The following KRT86 variants were observed in gnomAD, a reference collection of about 807,000 sequenced individuals.
KRT86 encodes keratin, type II cuticular Hb6.
A neutral mutation model predicts 41.2 loss-of-function variants in KRT86; 30 were observed. That is an observed-to-expected ratio of 0.73 (90% confidence interval 0.54 to 0.99). The LOEUF is 0.99. Ranked by LOEUF, KRT86 falls within the 50% of genes least tolerant of loss-of-function variation. The probability of loss-of-function intolerance (pLI) is 0.00; values close to 1 mark genes in which losing one functional copy is unlikely to be tolerated. For missense variants in KRT86, 561 were observed against 571.4 expected (o/e 0.98, Z 0.19); for synonymous variants, 238 against 238.1 (o/e 1.00, Z 0.00).
chr12:52,275,904 C>T lies in KRT86; in HGVS notation c.-47C>T. On this transcript the variant is annotated 5_prime_UTR_variant, in exon 2 of 11. Coordinates refer to ENST00000423955, the MANE Select transcript of KRT86 (RefSeq NM_001320198.2). ...AGGATCTGAACAGGCTTAATCAGGCCATCCAGTGGCTGACGGTGGAGGTGG... is the reference window on the plus strand; with the variant it reads ...AGGATCTGAACAGGCTTAATCAGGCTATCCAGTGGCTGACGGTGGAGGTGG... The T allele has an allele frequency of 2.0e-6, 2 of 986,026 alleles. No homozygotes were observed. Among genetic ancestry groups the T allele is most frequent in the Non-Finnish European group, 2.4e-6 (2 of 830,014 alleles). The allele number at this position is 986,026 out of a possible 1,614,324, so 61.1% of individuals were successfully genotyped here.
chr12:52,293,449 A>C (rs1216114067), intron 2 of KRT86, among the ~76,000 whole-genome samples: 30 of 152,240 alleles, frequency 2.0e-4, no homozygotes, highest in Non-Finnish European at 4.4e-5. Flanking sequence ...TAAGTTCAAG[A>C]GGGTAGTGAA....
At chr12:52,294,226 T>C (rs1458130180) in intron 2 of KRT86, among the ~76,000 whole-genome samples, 1 of 152,202 alleles carries the variant, frequency 6.6e-6, no homozygotes, top group Non-Finnish European at 1.5e-5. Context: ...AGGAGCACTG[T>C]GAGTCAAAGT....
chr12:52,296,188 G>A (rs1938244735), intron 2 of KRT86, among the ~76,000 whole-genome samples: 1 of 152,194 alleles, frequency 6.6e-6, no homozygotes, highest in Admixed American at 6.5e-5. Flanking sequence ...AGAAGAGAAG[G>A]AGAGTGCTGC....
chr12:52,297,288 C>T (rs1359630441), intron 2 of KRT86, among the ~76,000 whole-genome samples: 2 of 152,196 alleles, frequency 1.3e-5, no homozygotes, highest in Admixed American at 6.5e-5. Context: ...AAAAGTAGCC[C>T]TCTTTAGACT....
At chr12:52,279,835 C>T (rs1937731909) in intron 2 of KRT86, among the ~76,000 whole-genome samples, 1 of 152,140 alleles carries the variant, frequency 6.6e-6, no homozygotes, top group Non-Finnish European at 1.5e-5. Flanking sequence ...TTCCATTCTC[C>T]ATCCATCCAT....
At chr12:52,306,588 C>A in intron 9 of KRT86, 1 of 520,898 alleles carries the variant, frequency 1.9e-6, no homozygotes, top group East Asian at 3.4e-5. Context: ...TGCTTCTTCC[C>A]TTCCAGCTGT....
rs1166936674 is a variant in KRT86, at chr12:52,287,671, G to A, written c.-5+11725G>A. The stretch of plus-strand genomic sequence containing the variant: ...TCAGCTCATTGATCTCCTCCTTGGT[G>A]CGGCGCAGGGTCTCCCCGTGCCTGA... On this transcript the variant is annotated intron_variant, in intron 2 of 10. Coordinates refer to ENST00000423955, the MANE Select transcript of KRT86 (RefSeq NM_001320198.2). The A allele has an allele frequency of 3.1e-6, 5 of 1,613,788 alleles. No homozygotes were observed. In the African/African-American group the frequency reaches 6.7e-5, roughly 22 times the overall value.
chr12:52,308,521 C>A lies in KRT86; in HGVS notation c.1397C>A (p.Thr466Asn), dbSNP rs1033081842. Reference sequence around the variant, plus strand: ...AGCAACAGCAACGTGGTGGTGGGCACTACTAACGCCTGCGCCCCCTCCGCC... The same window carrying A: ...AGCAACAGCAACGTGGTGGTGGGCAATACTAACGCCTGCGCCCCCTCCGCC... The part of the protein sequence containing the change: ...VPSNSNVVVG[T>N]TNACAPSARV... Residue 466 changes from threonine (T) to asparagine (N), a missense_variant, in exon 11 of 11, where the codon ACT (threonine) becomes AAT (asparagine). Thr to Asn is a moderately conservative substitution (Grantham distance 65). This residue lies in a region of KRT86 where 397 missense variants were observed against 375.9 expected (regional missense o/e 1.06). Transcript: ENST00000423955. 1.2e-6 allele frequency: 2 copies of A among 1,604,588 alleles called. No individual in the cohort carries two copies. The highest frequency in any genetic ancestry group is 4.5e-5 in the East Asian group (2 of 44,864).
chr12:52,305,647 T>A lies in KRT86; in HGVS notation c.901-16T>A, dbSNP rs772969963. 1.2e-6 allele frequency: 2 copies of A among 1,613,986 alleles called. No individual in the cohort carries two copies. The highest frequency in any genetic ancestry group is 2.2e-5 in the South Asian group (2 of 91,068). On this transcript the variant is annotated splice_polypyrimidine_tract_variant and intron_variant, in intron 7 of 10. Coordinates refer to ENST00000423955, the MANE Select transcript of KRT86 (RefSeq NM_001320198.2). The stretch of plus-strand genomic sequence containing the variant: ...GGTCCCACCCTGAACCTCATGAGCA[T>A]CTCTACTTCCCCCAGTGTGAGGAGA...
At chr12:52,299,883 T>G (rs1938333837) in intron 2 of KRT86, among the ~76,000 whole-genome samples, 5 of 152,250 alleles carry the variant, frequency 3.3e-5, no homozygotes, top group Admixed American at 3.3e-4. Context: ...TTTCTTCCAT[T>G]CTGTAGGTCA....
chr12:52,298,550 A>T (rs2121283397), intron 2 of KRT86, among the ~76,000 whole-genome samples: 1 of 152,346 alleles, frequency 6.6e-6, no homozygotes, highest in Non-Finnish European at 1.5e-5. Flanking sequence ...TTACACACTT[A>T]GAGTGTGCCA....
At chr12:52,295,381 T>C (rs940670565) in intron 2 of KRT86, among the ~76,000 whole-genome samples, 14 of 152,218 alleles carry the variant, frequency 9.2e-5, no homozygotes, top group Admixed American at 5.2e-4. Context: ...GTAGCAGAAC[T>C]GGAACCCAGA....
chr12:52,300,237 G>A (rs949226367), intron 2 of KRT86, among the ~76,000 whole-genome samples: 3 of 152,172 alleles, frequency 2.0e-5, no homozygotes, highest in Non-Finnish European at 4.4e-5. Flanking sequence ...AACAAAAAGG[G>A]CATGTAACAA....
chr12:52,283,329 G>C (rs1937820951), intron 2 of KRT86, among the ~76,000 whole-genome samples: 1 of 144,964 alleles, frequency 6.9e-6, no homozygotes, highest in Non-Finnish European at 1.5e-5. Context: ...TGAGGTGGAG[G>C]TTGCAGTGAG....
chr12:52,299,762 A>G (rs746010046), intron 2 of KRT86, among the ~76,000 whole-genome samples: 7 of 152,182 alleles, frequency 4.6e-5, no homozygotes, highest in Non-Finnish European at 1.0e-4. Flanking sequence ...GTCTATTCAG[A>G]TCTTTTGCCC....
Position 52,308,656 on chromosome 12 carries a change from G to C in KRT86, c.*71G>C. On this transcript the variant is annotated 3_prime_UTR_variant, in exon 11 of 11. Coordinates refer to ENST00000423955, the MANE Select transcript of KRT86 (RefSeq NM_001320198.2). ...AGCCAGTACCTCGCGCCACCAGAAC[G>C]CGCCGCCCGCGCCGGCCTCCCAATA... The C allele has an allele frequency of 6.9e-7, 1 of 1,449,472 alleles. No homozygotes were observed. Among genetic ancestry groups the C allele is most frequent in the Non-Finnish European group, 9.4e-7 (1 of 1,062,906 alleles). 89.8% of individuals were successfully genotyped at this position (1,449,472 alleles called of 1,614,324 possible).
chr12:52,287,352 T>TA (rs1937980395), intron 2 of KRT86: 1 of 1,613,208 alleles, frequency 6.2e-7, no homozygotes, highest in Non-Finnish European at 8.5e-7. Flanking sequence ...CAAGGTAGAT[T>TA]AGAGTCCCTG....
intron 2 of KRT86, chr12:52,287,472 C>T: frequency 6.3e-7 from 1 of 1,592,360 alleles, no homozygotes; most frequent in East Asian, 2.3e-5. Context: ...AGACCACGAC[C>T]AGGGACTCTA....
chr12:52,305,445 G>A (rs556659166), intron 7 of KRT86, 41 bp downstream of exon 7: 1 of 1,614,074 alleles, frequency 6.2e-7, no homozygotes, highest in Non-Finnish European at 8.5e-7. Context: ...CATGGCAGTG[G>A]GAGGGATTTG....
Sources: gnomAD v4.1 joint callset for allele counts (sites outside exome capture counted in the v4.1 genomes callset) on GRCh38, gnomAD v4.1.1 for gene constraint, gnomAD v4.1.1 regional missense constraint, MANE v1.5 for transcripts, NCBI Gene and HGNC (gene_info 2026-07-23, HGNC 2026-07-21) for gene names.